TCTN1: variants seen among roughly 807,000 people sequenced by gnomAD.
TCTN1 encodes tectonic family member 1.
In TCTN1, 58 loss-of-function variants were observed where a neutral mutation model predicts 65.8. The ratio of observed to expected loss-of-function variants is 0.88; its 90% confidence interval spans 0.71 to 1.10. The LOEUF (loss-of-function observed/expected upper bound fraction) is 1.10. Ranked by LOEUF, TCTN1 falls within the 50% of genes least tolerant of loss-of-function variation. The pLI, the probability that TCTN1 is intolerant of heterozygous loss-of-function variation, is 0.00. For synonymous variants in TCTN1, 273 were observed against 289.1 expected, an observed-to-expected ratio of 0.94 and a Z score of 0.57; for missense variants, 645 against 719.4, an observed-to-expected ratio of 0.90 and a Z score of 1.18.
intron 12 of TCTN1, chr12:110,646,948 G>C: frequency 2.0e-6 from 1 of 495,210 alleles, no homozygotes; most frequent in South Asian, 2.1e-5. Context: ...CGCAGTTTCA[G>C]GTGATGTCGG....
At chr12:110,633,298 G>A (rs557618587) in intron 5 of TCTN1, among the ~76,000 whole-genome samples, 1 of 152,302 alleles carries the variant, frequency 6.6e-6, no homozygotes, top group Admixed American at 6.5e-5. Context: ...AAAGACAAAT[G>A]TATTCTGCTG....
At chr12:110,643,142 G>A (rs1416351526) in intron 11 of TCTN1, among the ~76,000 whole-genome samples, 1 of 150,386 alleles carries the variant, frequency 6.6e-6, no homozygotes. Flanking sequence ...GGCTCAAGCA[G>A]TCCTCCCATC....
intron 10 of TCTN1, chr12:110,641,963 A>T: frequency 1.8e-6 from 1 of 556,562 alleles, no homozygotes; most frequent in South Asian, 2.4e-5. Context: ...TGACATTTAA[A>T]TGTTTTTAAT....
chr12:110,642,064 G>T (rs1461995737), intron 10 of TCTN1, 185 bp from the exon 11 acceptor site: 1 of 695,342 alleles, frequency 1.4e-6, no homozygotes, highest in East Asian at 2.7e-5. Flanking sequence ...TTTCTTCTGA[G>T]AATCCATTTA....
In TCTN1 at chr12:110,641,426, G is replaced by T. The variant is rs962424561; in HGVS notation, c.1105-116G>T. ...ATTTATAGTTCTGAGTAGGGAGGGA[G>T]AAATTCTTTTATTGGTTGGTAATTC... On this transcript the variant is annotated intron_variant, in intron 9 of 14. Coordinates refer to ENST00000397659, the MANE Select transcript of TCTN1 (RefSeq NM_001082538.3). The T allele has an allele frequency of 5.7e-5, 62 of 1,083,028 alleles. No individual in the cohort carries two copies. The Middle Eastern group carries it at 1.2e-3, about 21-fold the overall frequency. The allele number at this position is 1,083,028 out of a possible 1,614,324, so 67.1% of individuals were successfully genotyped here.
At chr12:110,622,885 A>G (rs1417351802) in intron 2 of TCTN1, among the ~76,000 whole-genome samples, 1 of 152,196 alleles carries the variant, frequency 6.6e-6, no homozygotes, top group Non-Finnish European at 1.5e-5. Flanking sequence ...GTAAAAAGCT[A>G]TTGCAGATGC....
chr12:110,637,695 C>T (rs2066671345), intron 7 of TCTN1, among the ~76,000 whole-genome samples: 1 of 152,150 alleles, frequency 6.6e-6, no homozygotes, highest in African/African-American at 2.4e-5. Context: ...CCCTAGGGCT[C>T]CCAGGAATGC....
intron 2 of TCTN1, among the ~76,000 whole-genome samples, chr12:110,622,868 G>C (rs139078089): frequency 9.7e-4 from 147 of 152,288 alleles, no homozygotes; most frequent in African/African-American, 3.3e-3. Flanking sequence ...TGGTGGCAGA[G>C]AACCAAGTAA....
intron 1 of TCTN1, 139 bp downstream of exon 1, chr12:110,614,541 C>T: frequency 2.0e-6 from 3 of 1,492,760 alleles, no homozygotes; most frequent in Non-Finnish European, 1.8e-6. Flanking sequence ...CCATAAACGT[C>T]CATTCTCTAA....
chr12:110,634,886 C>T (rs977765516), intron 6 of TCTN1, 107 bp downstream of exon 6: 24 of 817,536 alleles, frequency 2.9e-5, no homozygotes, highest in Non-Finnish European at 4.0e-5. Flanking sequence ...GATTGACACT[C>T]GAGTTTAAAT....
At chr12:110,620,964 C>G (rs2065386721) in intron 2 of TCTN1, among the ~76,000 whole-genome samples, 1 of 152,090 alleles carries the variant, frequency 6.6e-6, no homozygotes, top group East Asian at 1.9e-4. Context: ...AGGTGCACGC[C>G]ACGATGCCTG....
Position 110,645,071 on chromosome 12 carries a change from C to T in TCTN1, c.1436C>T (p.Ala479Val), listed in dbSNP as rs1211266923. ...DYVAPFGNSQ[A>V]QDMLDWVPIH... is the part of the protein sequence containing the mutation. ...GTGGCCCCTTTTGGAAATTCCCAGGCCCAGGACATGCTGGACTGGGTGCCC... is the reference window on the plus strand; with the variant it reads ...GTGGCCCCTTTTGGAAATTCCCAGGTCCAGGACATGCTGGACTGGGTGCCC... Residue 479 changes from alanine to valine, a missense_variant, in exon 12 of 15, where the codon GCC becomes GTC. Ala to Val is a moderately conservative substitution (Grantham distance 64). Transcript: ENST00000397659. 8 of 1,614,118 alleles carry T rather than the reference C, an allele frequency of 5.0e-6. No individual in the cohort carries two copies. The highest frequency in any genetic ancestry group is 6.8e-6 in the Non-Finnish European group (8 of 1,180,006).
Position 110,640,873 on chromosome 12 carries a change from A to G in TCTN1, c.979-151A>G, listed in dbSNP as rs1315056971. 6.2e-6 allele frequency: 7 copies of G among 1,133,718 alleles called. No individual in the cohort carries two copies. The highest frequency in any genetic ancestry group is 9.2e-6 in the Non-Finnish European group (7 of 762,402). The allele number at this position is 1,133,718 out of a possible 1,614,324, so 70.2% of individuals were successfully genotyped here. On this transcript the variant is annotated intron_variant, in intron 8 of 14. Transcript: ENST00000397659. This position sits in a 1 kb window ranked among gnomAD's most constrained non-coding sequence, Gnocchi z 4.9. The stretch of plus-strand genomic sequence containing the variant: ...GTCTGCTAGGGGTGGTGCTGAGGGA[A>G]CACCTCTCATAATCCAACTGGACAG...
intron 7 of TCTN1, 115 bp downstream of exon 7, chr12:110,636,616 T>C (rs1313174458): frequency 1.2e-5 from 8 of 649,368 alleles, no homozygotes; most frequent in Admixed American, 2.8e-5. Context: ...TTGTTGCTAA[T>C]AGCAAATACA....
chr12:110,630,200 G>A (rs138338691), intron 4 of TCTN1: 4 of 152,278 alleles, frequency 2.6e-5, no homozygotes, highest in East Asian at 3.9e-4. Flanking sequence ...TTCTGCACCC[G>A]TTATCCCAGA....
At chr12:110,621,966 C>G (rs1000026923) in intron 2 of TCTN1, among the ~76,000 whole-genome samples, 1 of 151,430 alleles carries the variant, frequency 6.6e-6, no homozygotes, top group Non-Finnish European at 1.5e-5. Context: ...AGTGAAACCC[C>G]GTGTCTACTA....
intron 12 of TCTN1, chr12:110,646,198 C>T (rs1363679725): frequency 6.6e-6 from 1 of 152,192 alleles, no homozygotes; most frequent in African/African-American, 2.4e-5. Flanking sequence ...GAGGCAGGCA[C>T]GAGCACCTGC....
intron 3 of TCTN1, among the ~76,000 whole-genome samples, chr12:110,627,593 A>G (rs1242328171): frequency 1.3e-5 from 2 of 152,230 alleles, no homozygotes; most frequent in African/African-American, 2.4e-5. Flanking sequence ...GCAGACATAC[A>G]TAGGAATCTA....
chr12:110,625,502 T>C (rs1565968649), intron 2 of TCTN1: 1 of 152,108 alleles, frequency 6.6e-6, no homozygotes, highest in East Asian at 1.9e-4. Flanking sequence ...CCCAGCACTT[T>C]GGGAGGCTGA....
Sources: allele counts gnomAD v4.1 joint callset (sites outside exome capture counted in the v4.1 genomes callset), GRCh38; gene constraint gnomAD v4.1.1; non-coding constraint Gnocchi (gnomAD v3.1); transcripts MANE v1.5; gene names NCBI Gene and HGNC (gene_info 2026-07-23, HGNC 2026-07-21).